The following USP35 variants were observed in gnomAD, a reference collection of about 807,000 sequenced individuals.
USP35 encodes ubiquitin specific peptidase 35.
In USP35, 69 loss-of-function variants were observed where a neutral mutation model predicts 83.8. The ratio of observed to expected loss-of-function variants is 0.82; its 90% CI spans 0.68 to 1.01. USP35 has a LOEUF of 1.01. Ranked by LOEUF, USP35 falls within the 50% of genes least tolerant of loss-of-function variation. The pLI, the probability that USP35 is intolerant of heterozygous loss-of-function variation, is 0.00. For missense variants in USP35, 1,503 were observed against 1,362.5 expected (o/e 1.10, Z -1.62); for synonymous variants, 714 against 589.5 (o/e 1.21, Z -3.06).
chr11:78,219,087 T>G, downstream of USP35: 1 of 582,470 alleles, frequency 1.7e-6, no homozygotes, highest in Non-Finnish European at 3.0e-6. Context: ...GCAGAGGAGG[T>G]GCCTTGATCA....
the USP35 span, chr11:78,221,674 C>T: frequency 3.1e-6 from 5 of 1,595,972 alleles, no homozygotes; most frequent in South Asian, 2.2e-5. Context: ...CCGAAGGACT[C>T]ACCATAGGGA....
In USP35 at chr11:78,214,009, C is replaced by CATTAAAACTTTA. The variant is rs1352890819; in HGVS notation, c.*197_*208dup. 3.5e-6 allele frequency: 2 copies of CATTAAAACTTTA among 577,898 alleles called. No individual in the cohort carries two copies. The highest frequency in any genetic ancestry group is 3.7e-5 in the South Asian group (1 of 26,826). The allele number at this position is 577,898 out of a possible 1,614,324, so 35.8% of individuals were successfully genotyped here. A position where few individuals can be genotyped will look rare whatever the true frequency, so the allele number is the denominator to read the frequency against. ...AGTCCCTTTCATTGGGGATCAGTCC[C>CATTAAAACTTTA]ATTAAAACTTTACACCCAAGTGTCC... On this transcript the variant is annotated 3_prime_UTR_variant, in exon 11 of 11. Transcript: ENST00000529308.
In USP35 at chr11:78,196,348, CGTGAGCAGT is replaced by C; in HGVS notation, c.105_113del (p.Glu36_Cys38del). On this transcript the variant is annotated inframe_deletion, in exon 2 of 11. Coordinates refer to ENST00000529308, the MANE Select transcript of USP35 (RefSeq NM_020798.4). This position sits in a 1 kb window ranked among gnomAD's most constrained non-coding sequence, Gnocchi z 4.8. ...GGAGGCGGCGCGGCAGCCGCTGGAG[CGTGAGCAGT>C]GCCTGGCGCTGCTGGCGCTGGGCGC... The C allele has an allele frequency of 6.3e-7, 1 of 1,578,458 alleles. No individual in the cohort carries two copies. The highest frequency in any genetic ancestry group is 1.4e-5 in the African/African-American group (1 of 72,712).
chr11:78,231,335 TG>T, the USP35 span, among the ~76,000 whole-genome samples: 1,990 of 89,664 alleles, frequency 0.022, 40 homozygotes, highest in African/African-American at 0.075. Flanking sequence ...CGCGCGTGTG[TG>T]GTGTGTGTGT....
At chr11:78,213,353 A>G (rs1466379800) in intron 10 of USP35, among the ~76,000 whole-genome samples, 2 of 152,116 alleles carry the variant, frequency 1.3e-5, no homozygotes, top group Admixed American at 1.3e-4. Flanking sequence ...GTGGTGTGAT[A>G]TGACCCTCGA....
At chr11:78,194,282 C>T (rs576650201) in intron 1 of USP35, among the ~76,000 whole-genome samples, 10 of 152,276 alleles carry the variant, frequency 6.6e-5, no homozygotes, top group African/African-American at 1.9e-4. Context: ...TATCGTAACA[C>T]GTGCAGCAAT....
Position 78,213,831 on chromosome 11 carries a change from C to T in USP35, c.*18C>T. On this transcript the variant is annotated 3_prime_UTR_variant, in exon 11 of 11. Transcript: ENST00000529308. ...TCTTCTAATGTGAACCTGCTGCCAA[C>T]CTGACCCCTTCCCTCCAGGAGCCAG... The T allele has an allele frequency of 6.5e-7, 1 of 1,539,366 alleles. No individual in the cohort carries two copies. Among genetic ancestry groups the T allele is most frequent in the Non-Finnish European group, 8.7e-7 (1 of 1,153,364 alleles).
intron 1 of USP35, among the ~76,000 whole-genome samples, chr11:78,190,828 T>C (rs1862981737): frequency 6.6e-6 from 1 of 152,198 alleles, no homozygotes; most frequent in Non-Finnish European, 1.5e-5. Flanking sequence ...GGGGACATTG[T>C]GCAAAGTAGC....
chr11:78,228,541 G>A, the USP35 span, among the ~76,000 whole-genome samples: 1 of 152,186 alleles, frequency 6.6e-6, no homozygotes, highest in African/African-American at 2.4e-5. Flanking sequence ...AGCTCCTGAG[G>A]AGTTTGTTAT....
At chr11:78,224,915 C>T in the USP35 span, among the ~76,000 whole-genome samples, 5 of 152,304 alleles carry the variant, frequency 3.3e-5, no homozygotes, top group African/African-American at 9.6e-5. Flanking sequence ...ACATACATTT[C>T]TTCCAGACTA....
chr11:78,193,367 A>ATTT (rs796844904), intron 1 of USP35, among the ~76,000 whole-genome samples: 26 of 131,766 alleles, frequency 2.0e-4, no homozygotes, highest in African/African-American at 7.6e-4. Flanking sequence ...AATTGATGTA[A>ATTT]TTTTTTTTTT....
chr11:78,213,556 G>GAAAC (rs1398431810), intron 10 of USP35, 90 bp from the exon 11 acceptor site: 5 of 1,374,958 alleles, frequency 3.6e-6, no homozygotes, highest in Non-Finnish European at 3.8e-6. Context: ...GGACCTAGAG[G>GAAAC]AAACATTGAA....
intron 2 of USP35, 129 bp from the exon 3 acceptor site, chr11:78,197,807 G>C (rs1000768949): frequency 7.6e-7 from 1 of 1,321,040 alleles, no homozygotes; most frequent in African/African-American, 1.5e-5. Flanking sequence ...TGCTATAGGA[G>C]AGGAGGTGGC....
Position 78,209,976 on chromosome 11 carries a change from G to C in USP35, c.2121G>C (p.Glu707Asp). The change falls in exon 10 of 11, where the codon GAG becomes GAC. Residue 707 changes from glutamate to aspartate, a missense_variant. By Grantham distance (45) the Glu-to-Asp change is conservative. Transcript: ENST00000529308. ...EESTRGEGER[E>D]KEEEVEEEEE... ...GCACCAGAGGGGAAGGAGAGAGGGA[G>C]AAAGAGGAGGAGGTGGAAGAGGAAG... 1 of 1,612,812 alleles carries C rather than the reference G, an allele frequency of 6.2e-7. No homozygotes were observed.
chr11:78,194,816 C>G (rs570294146), intron 1 of USP35, among the ~76,000 whole-genome samples: 1 of 152,182 alleles, frequency 6.6e-6, no homozygotes, highest in African/African-American at 2.4e-5. Context: ...CTGTGGTGAA[C>G]AAAACCTGAA....
chr11:78,213,384 C>G (rs1174672494), intron 10 of USP35, among the ~76,000 whole-genome samples: 1 of 152,168 alleles, frequency 6.6e-6, no homozygotes, highest in Non-Finnish European at 1.5e-5. Context: ...CCTCTCGGTA[C>G]CACATTAGGC....
chr11:78,225,730 C>G, the USP35 span, among the ~76,000 whole-genome samples: 2 of 152,160 alleles, frequency 1.3e-5, no homozygotes, highest in African/African-American at 4.8e-5. Context: ...ATCTCTGGCA[C>G]AATGACTCTG....
chr11:78,222,925 G>T, the USP35 span, among the ~76,000 whole-genome samples: 1 of 152,202 alleles, frequency 6.6e-6, no homozygotes, highest in Non-Finnish European at 1.5e-5. Flanking sequence ...TGGTCACCGT[G>T]ACTACTCCCT....
At chr11:78,200,332 C>G in intron 5 of USP35, 98 bp downstream of exon 5, 1 of 1,417,978 alleles carries the variant, frequency 7.1e-7, no homozygotes, top group Non-Finnish European at 9.8e-7. Flanking sequence ...GCCTGCTGAC[C>G]CTGGGCTCTT....
Sources: allele counts gnomAD v4.1 joint callset (sites outside exome capture counted in the v4.1 genomes callset), GRCh38; gene constraint gnomAD v4.1.1; non-coding constraint Gnocchi (gnomAD v3.1); transcripts MANE v1.5; gene names NCBI Gene and HGNC (gene_info 2026-07-23, HGNC 2026-07-21).